The following CWH43 variants were observed in gnomAD, a reference collection of about 807,000 sequenced individuals.
CWH43 encodes cell wall biogenesis 43 C-terminal homolog.
Under a neutral mutation model 85.7 loss-of-function variants are expected in CWH43, and 91 were observed. That is an observed-to-expected ratio of 1.06 (90% confidence interval 0.90 to 1.26). The LOEUF is 1.26. CWH43 is among the 50% of genes most tolerant of loss of function. CWH43 has a pLI of 0.00. For synonymous variants in CWH43, 323 were observed against 293.6 expected (o/e 1.10, Z -1.02); for missense variants, 869 against 839.2 (o/e 1.04, Z -0.44).
rs147443653 is a variant in CWH43 at position 49,062,010 on chromosome 4, A to G, written c.*120A>G. 7.0e-5 allele frequency: 51 copies of G among 724,064 alleles called. No individual in the cohort carries two copies. In the African/African-American group the frequency reaches 8.3e-4, roughly 12 times the overall value. The allele number at this position is 724,064 out of a possible 1,614,324, so 44.9% of individuals were successfully genotyped here. On this transcript the variant is annotated 3_prime_UTR_variant, in exon 16 of 16. Transcript: ENST00000226432. ...TGAAGAACCTCAACTTAAAAAACAC[A>G]TGGTATCTATGCAGTGGGAAATTAC... is the stretch of plus-strand genomic sequence containing the variant.
chr4:49,040,613 G>A (rs1784428909), intron 13 of CWH43, among the ~76,000 whole-genome samples: 1 of 152,148 alleles, frequency 6.6e-6, no homozygotes, highest in African/African-American at 2.4e-5. Context: ...TTGTAAATTT[G>A]TTTGAGTTCA....
rs369610807 is a variant in CWH43, at chr4:48,994,675, G to A, written c.568G>A (p.Ala190Thr). 7.9e-5 allele frequency: 127 copies of A among 1,614,084 alleles called. No individual in the cohort carries two copies. Among genetic ancestry groups the A allele is most frequent in the Non-Finnish European group, 9.7e-5 (115 of 1,180,044 alleles). The change falls in exon 5 of 16, where the codon GCC becomes ACC. Residue 190 changes from alanine to threonine, a missense_variant. This residue lies in a region of CWH43 where 152 missense variants were observed against 203.6 expected (regional missense o/e 0.75). Coordinates refer to ENST00000226432, the MANE Select transcript of CWH43 (RefSeq NM_025087.3). ...KKTGEVATGM[A>T]SRPNWLLAGA... The stretch of plus-strand genomic sequence containing the variant: ...GACTGGTGAGGTAGCCACGGGGATG[G>A]CCTCTAGACCCAACTGGCTGCTGGC...
rs1339614430 is a variant in CWH43, at chr4:49,044,806, T to C, written c.1824T>C (p.His608=). 3 of 1,613,346 alleles carry C rather than the reference T, an allele frequency of 1.9e-6. No homozygotes were observed. In the African/African-American group the frequency reaches 4.0e-5, roughly 22 times the overall value. The change falls in exon 14 of 16, where the codon CAT becomes CAC. Residue 608 remains histidine, a synonymous_variant. Coordinates refer to ENST00000226432, the MANE Select transcript of CWH43 (RefSeq NM_025087.3). Reference sequence around the variant, plus strand: ...ATTAGGATATCGACAGCACTGATCATGACAGATGGTGTGAATACATTATGT... The same window carrying C: ...ATTAGGATATCGACAGCACTGATCACGACAGATGGTGTGAATACATTATGT... ...GNVKDIDSTD[H]DRWCEYIMYR...
intron 1 of CWH43, among the ~76,000 whole-genome samples, 200 bp from the exon 2 acceptor site, chr4:48,988,277 T>G (rs770411410): frequency 8.5e-5 from 13 of 152,194 alleles, no homozygotes; most frequent in Non-Finnish European, 1.5e-4. Context: ...ACACAGTCAG[T>G]GCAGTGAGTT....
intron 8 of CWH43, among the ~76,000 whole-genome samples, chr4:49,010,434 A>C (rs1402424804): frequency 3.3e-5 from 5 of 151,918 alleles, no homozygotes; most frequent in Admixed American, 3.3e-4. Flanking sequence ...CACCTCCTGG[A>C]TTCATTGATT....
At chr4:49,043,135 T>G (rs1056185946) in intron 13 of CWH43, among the ~76,000 whole-genome samples, 3 of 152,170 alleles carry the variant, frequency 2.0e-5, no homozygotes, top group African/African-American at 7.2e-5. Context: ...GGCCTCAAGT[T>G]CCACATCTGC....
rs779842341 is a variant in CWH43 at position 48,988,681 on chromosome 4, A to G, written c.235+13A>G. ...ATAATCACTATTGGTAAGATTTAAA[A>G]GAGTTTCTTTAAGTTGTTTTTTTTA... is the stretch of plus-strand genomic sequence containing the variant. On this transcript the variant is annotated intron_variant, in intron 2 of 15. Coordinates refer to ENST00000226432, the MANE Select transcript of CWH43 (RefSeq NM_025087.3). 5.2e-6 allele frequency: 8 copies of G among 1,543,404 alleles called. No individual in the cohort carries two copies. In the East Asian group the frequency reaches 1.8e-4, roughly 35 times the overall value.
In CWH43 at chr4:49,032,612, C is replaced by A. The variant is rs574344101; in HGVS notation, c.1555C>A (p.Leu519Ile). 6.2e-7 allele frequency: 1 copy of A among 1,613,912 alleles called. No homozygotes were observed. Among genetic ancestry groups the A allele is most frequent in the African/African-American group, 1.3e-5 (1 of 74,876 alleles). ...RYPIVKSEHH[L>I]LPSPEGEIAP... is the part of the protein sequence containing the mutation. ...CCCAATTGTGAAATCTGAGCATCACCTTCTTCCGTCACCAGAGGGCGAGAT... is the reference window on the plus strand; with the variant it reads ...CCCAATTGTGAAATCTGAGCATCACATTCTTCCGTCACCAGAGGGCGAGAT... Residue 519 changes from leucine (L) to isoleucine (I), a missense_variant, in exon 12 of 16, where the codon CTT becomes ATT. By Grantham distance (5) the Leu-to-Ile change is conservative. Coordinates refer to ENST00000226432, the MANE Select transcript of CWH43 (RefSeq NM_025087.3).
intron 6 of CWH43, among the ~76,000 whole-genome samples, chr4:49,002,044 G>A (rs1201449991): frequency 6.6e-6 from 1 of 152,100 alleles, no homozygotes; most frequent in Non-Finnish European, 1.5e-5. Flanking sequence ...TCAAGACTTG[G>A]CAAGTTTTCT....
chr4:49,030,055 T>A (rs568570481), intron 10 of CWH43, among the ~76,000 whole-genome samples: 3 of 152,312 alleles, frequency 2.0e-5, no homozygotes, highest in African/African-American at 7.2e-5. Flanking sequence ...TCATCCCACC[T>A]GACAAGAAAT....
Position 49,028,698 on chromosome 4 carries a change from A to G in CWH43, c.1336A>G (p.Ser446Gly), listed in dbSNP as rs1208204244. The change falls in exon 10 of 16, where the codon AGT (serine) becomes GGT (glycine). Residue 446 changes from serine (S) to glycine (G), a missense_variant. Around this residue, in one of 3 missense-constraint regions of CWH43, gnomAD observed 577 missense variants for 513.1 expected, o/e 1.12. Transcript: ENST00000226432. ...TGGATATGACAATGAAGGGTGGTCT[A>G]GTCTAGAAAGATCAGCTCACCTGCT... is the stretch of plus-strand genomic sequence containing the variant. ...RFGYDNEGWS[S>G]LERSAHLLNE... is the part of the protein sequence containing the mutation. 3 of 1,613,578 alleles carry G rather than the reference A, an allele frequency of 1.9e-6. No homozygotes were observed. Among genetic ancestry groups the G allele is most frequent in the Non-Finnish European group, 1.7e-6 (2 of 1,179,640 alleles).
intron 6 of CWH43, among the ~76,000 whole-genome samples, chr4:49,000,820 T>G (rs1432917563): frequency 7.7e-6 from 1 of 130,656 alleles, no homozygotes; most frequent in Non-Finnish European, 1.7e-5. Flanking sequence ...CTCTGGAGTA[T>G]TAAATAGTAG....
At chr4:49,043,558 T>C (rs1265574982) in intron 13 of CWH43, among the ~76,000 whole-genome samples, 2 of 152,232 alleles carry the variant, frequency 1.3e-5, no homozygotes, top group East Asian at 3.8e-4. Flanking sequence ...TTTATTAATG[T>C]GGAGAAGAGT....
chr4:49,060,445 G>T (rs761465664), intron 15 of CWH43, among the ~76,000 whole-genome samples: 6 of 152,116 alleles, frequency 3.9e-5, no homozygotes, highest in Non-Finnish European at 7.4e-5. Flanking sequence ...GTTGGGGCTG[G>T]CCTGGTGTTT....
At chr4:49,015,196 T>C (rs1269938510) in intron 8 of CWH43, among the ~76,000 whole-genome samples, 1 of 152,132 alleles carries the variant, frequency 6.6e-6, no homozygotes, top group Non-Finnish European at 1.5e-5. Flanking sequence ...CTTTTCTTTT[T>C]CATTTTCCAC....
At chr4:49,044,933 A>C in intron 14 of CWH43, 86 bp downstream of exon 14, 1 of 1,039,630 alleles carries the variant, frequency 9.6e-7, no homozygotes, top group Non-Finnish European at 1.4e-6. Flanking sequence ...AACTTTATGG[A>C]AGCAATTAAT....
At chr4:49,035,695 C>T (rs994606098) in intron 12 of CWH43, among the ~76,000 whole-genome samples, 27 of 152,294 alleles carry the variant, frequency 1.8e-4, no homozygotes, top group Non-Finnish European at 2.9e-4. Flanking sequence ...TCTGTCTTGA[C>T]CTCTTTCCTT....
At chr4:49,035,748 T>C (rs1012293891) in intron 12 of CWH43, among the ~76,000 whole-genome samples, 1 of 152,196 alleles carries the variant, frequency 6.6e-6, no homozygotes, top group Non-Finnish European at 1.5e-5. Context: ...TAGGTAAGAT[T>C]TATCTCCTGA....
intron 12 of CWH43, among the ~76,000 whole-genome samples, chr4:49,034,804 G>C (rs770219548): frequency 6.6e-6 from 1 of 152,102 alleles, no homozygotes; most frequent in Non-Finnish European, 1.5e-5. Context: ...CAGTGCAATA[G>C]TCCTACCTAT....
Sources: allele counts gnomAD v4.1 joint callset (sites outside exome capture counted in the v4.1 genomes callset), GRCh38; gene constraint gnomAD v4.1.1; regional missense constraint gnomAD v4.1.1; transcripts MANE v1.5; gene names NCBI Gene and HGNC (gene_info 2026-07-23, HGNC 2026-07-21).